Variants in PTPRB observed in about 807,000 individuals in gnomAD.
PTPRB encodes the protein protein tyrosine phosphatase receptor type B.
PTPRB carries 97 observed loss-of-function variants against 238.1 expected under a neutral mutation model. The observed-to-expected ratio is 0.41, with a 90% confidence interval of 0.35 to 0.48. PTPRB has a LOEUF of 0.48. PTPRB is among the 20% of genes least tolerant of loss of function. The pLI, the probability that PTPRB is intolerant of heterozygous loss-of-function variation, is 0.30. For synonymous variants in PTPRB, 970 were observed against 995.4 expected, an observed-to-expected ratio of 0.97 and a Z score of 0.48; for missense variants, 2,292 against 2,681.9, an observed-to-expected ratio of 0.85 and a Z score of 3.21.
chr12:70,540,102 G>T, intron 23 of PTPRB, 80 bp from the exon 24 acceptor site: 1 of 1,202,418 alleles, frequency 8.3e-7, no homozygotes, highest in Non-Finnish European at 1.2e-6. Flanking sequence ...GTAAGGCTGT[G>T]GATGTTTGTG....
At position 70,525,957 on chromosome 12, in the gene PTPRB, A is replaced by G. The variant is rs556725480; in HGVS notation, c.6505-1366T>C. Among the ~76,000 whole-genome samples the G allele has an allele frequency of 1.9e-4, 29 of 152,356 alleles. 1 individual carries two copies. The East Asian group carries it at 4.4e-3, about 23-fold the overall frequency. ...ATGTCAGACAGATAGATATTGAAAA[A>G]TATTTCCAGACCTTGTGTTTAAGGC... On this transcript the variant is annotated intron_variant, in intron 32 of 33. Coordinates refer to ENST00000334414, the MANE Select transcript of PTPRB (RefSeq NM_001109754.4).
chr12:70,583,635 T>G (rs1230889470), intron 9 of PTPRB, among the ~76,000 whole-genome samples: 1 of 152,136 alleles, frequency 6.6e-6, no homozygotes, highest in African/African-American at 2.4e-5. Context: ...TAATACTGGA[T>G]GGAGAAAACG....
At chr12:70,626,571 A>G (rs1180993703) in intron 2 of PTPRB, among the ~76,000 whole-genome samples, 1 of 152,116 alleles carries the variant, frequency 6.6e-6, no homozygotes, top group Non-Finnish European at 1.5e-5. Flanking sequence ...TTCGCTAAGC[A>G]ATACAACAAC....
rs776658123 is a variant in PTPRB at position 70,581,228 on chromosome 12, C to T, written c.2386G>A (p.Ala796Thr). The T allele has an allele frequency of 1.9e-6, 3 of 1,613,956 alleles. No individual in the cohort carries two copies. Among genetic ancestry groups the T allele is most frequent in the Non-Finnish European group, 2.5e-6 (3 of 1,179,880 alleles). ...TSSLFTNWTQ[A>T]QGDVEFYQVL... is the part of the protein sequence containing the mutation. ...TGGTAAAATTCTACGTCTCCTTGTG[C>T]CTGGGTCCAGTTAGTAAACAGACTA... is the stretch of plus-strand genomic sequence containing the variant. Residue 796 changes from alanine (A) to threonine (T), a missense_variant, in exon 10 of 34, where the codon GCA (alanine) becomes ACA (threonine). Physicochemically the swap from Ala to Thr is moderately conservative, Grantham distance 58 (BLOSUM62 0). Transcript: ENST00000334414.
At chr12:70,551,737 T>G (rs1214193981) in intron 21 of PTPRB, among the ~76,000 whole-genome samples, 1 of 152,178 alleles carries the variant, frequency 6.6e-6, no homozygotes. Flanking sequence ...TAATGTTGGA[T>G]GTCAGTAGCT....
chr12:70,612,911 C>CA (rs1393341701), intron 3 of PTPRB, among the ~76,000 whole-genome samples: 1 of 152,110 alleles, frequency 6.6e-6, no homozygotes, highest in Non-Finnish European at 1.5e-5. Flanking sequence ...TGCTTAACCC[C>CA]AGGACGCAGA....
rs797004494 is a variant in PTPRB, at chr12:70,609,659, C to T, written c.709-320G>A. 35 of 1,273,516 alleles carry T rather than the reference C, an allele frequency of 2.7e-5. No individual in the cohort carries two copies. The African/African-American group carries it at 3.6e-4, about 13-fold the overall frequency. 78.9% of individuals were successfully genotyped at this position (1,273,516 alleles called of 1,614,324 possible). A position where few individuals can be genotyped will look rare whatever the true frequency, so the allele number is the denominator to read the frequency against. ...GGCAGAAGAAGAAATTTTGCCACCT[C>T]CCTCTTCAAAGCACAACCCGATAGA... is the stretch of plus-strand genomic sequence containing the variant. On this transcript the variant is annotated intron_variant, in intron 3 of 33. Coordinates refer to ENST00000334414, the MANE Select transcript of PTPRB (RefSeq NM_001109754.4).
intron 3 of PTPRB, among the ~76,000 whole-genome samples, chr12:70,616,267 C>A (rs1179797537): frequency 6.6e-6 from 1 of 152,124 alleles, no homozygotes; most frequent in East Asian, 1.9e-4. Context: ...TAATGTGGAA[C>A]AATTCCTCAG....
chr12:70,607,548 C>CTTTT (rs546758555), intron 4 of PTPRB, among the ~76,000 whole-genome samples: 3 of 137,112 alleles, frequency 2.2e-5, no homozygotes, highest in Non-Finnish European at 1.6e-5. Flanking sequence ...TTTTCCTTTT[C>CTTTT]TTTTTTTTTT....
chr12:70,598,096 G>A (rs954862413), intron 4 of PTPRB, among the ~76,000 whole-genome samples: 2 of 152,176 alleles, frequency 1.3e-5, no homozygotes, highest in Non-Finnish European at 2.9e-5. Context: ...AAGGTTGCAT[G>A]GTTCACACCA....
At position 70,520,230 on chromosome 12, in the gene PTPRB, A is replaced by T; in HGVS notation, c.*1259T>A. The T allele has an allele frequency of 2.1e-6, 1 of 476,572 alleles. No individual in the cohort carries two copies. 29.5% of individuals were successfully genotyped at this position (476,572 alleles called of 1,614,324 possible). A position where few individuals can be genotyped will look rare whatever the true frequency, so the allele number is the denominator to read the frequency against. ...TGTCGGAACTGGACCTTGATGAAGG[A>T]AATACTTTCTGACTCATTGGAATTT... On this transcript the variant is annotated 3_prime_UTR_variant, in exon 34 of 34. Coordinates refer to ENST00000334414, the MANE Select transcript of PTPRB (RefSeq NM_001109754.4).
Position 70,534,839 on chromosome 12 carries a change from T to C in PTPRB, c.6198A>G (p.Ile2066Met), listed in dbSNP as rs1873849358. The C allele has an allele frequency of 6.2e-7, 1 of 1,613,758 alleles. No homozygotes were observed. Among genetic ancestry groups the C allele is most frequent in the African/African-American group, 1.3e-5 (1 of 74,888 alleles). The change falls in exon 30 of 34, where the codon ATA becomes ATG. Residue 2066 changes from isoleucine to methionine, a missense_variant. Around this residue, in one of 4 missense-constraint regions of PTPRB, gnomAD observed 397 missense variants for 502.0 expected, o/e 0.79. Coordinates refer to ENST00000334414, the MANE Select transcript of PTPRB (RefSeq NM_001109754.4). ...LPEWTIREFK[I>M]CGEEQLDAHR... ...GTCAAGCAAGCTAACATACACCGCA[T>C]ATCTTAAACTCCCGGATGGTCCACT... is the stretch of plus-strand genomic sequence containing the variant.
rs1334230803 is a variant in PTPRB at position 70,594,353 on chromosome 12, C to A, written c.1516+114G>T. 5 of 1,367,856 alleles carry A rather than the reference C, an allele frequency of 3.7e-6. No individual in the cohort carries two copies. In the South Asian group the frequency reaches 7.1e-5, roughly 19 times the overall value. 84.7% of individuals were successfully genotyped at this position (1,367,856 alleles called of 1,614,324 possible). A position where few individuals can be genotyped will look rare whatever the true frequency, so the allele number is the denominator to read the frequency against. ...AAAAGTGGATATGGGTCTTCTATAC[C>A]TTATAAGAATTTCAATTTGTCCTAT... On this transcript the variant is annotated intron_variant, in intron 6 of 33. Coordinates refer to ENST00000334414, the MANE Select transcript of PTPRB (RefSeq NM_001109754.4).
At position 70,622,546 on chromosome 12, in the gene PTPRB, A is replaced by T; in HGVS notation, c.552T>A (p.Leu184=). The change falls in exon 3 of 34, where the codon CTT becomes CTA. Residue 184 remains leucine, a synonymous_variant. Transcript: ENST00000334414. ...TGAAGGCCTCTGTGGTATTCCTAAT[A>T]AGGAATACCAGGCCATCTGGAACTG... is the stretch of plus-strand genomic sequence containing the variant. ...FNAVPDGLVF[L]IRNTTEAFIR... 6.2e-7 allele frequency: 1 copy of T among 1,608,900 alleles called. No individual in the cohort carries two copies. Among genetic ancestry groups the T allele is most frequent in the Non-Finnish European group, 8.5e-7 (1 of 1,177,216 alleles).
intron 32 of PTPRB, chr12:70,525,458 C>CT (rs1872288470): frequency 6.6e-6 from 1 of 152,228 alleles, no homozygotes; most frequent in African/African-American, 2.4e-5. Flanking sequence ...GTTCTCTCAG[C>CT]ATCTGGGTCT....
intron 11 of PTPRB, 134 bp downstream of exon 11, chr12:70,576,248 A>G: frequency 1.0e-6 from 1 of 973,682 alleles, no homozygotes; most frequent in Non-Finnish European, 1.5e-6. Flanking sequence ...GGGTTAAAAT[A>G]CGAAGACTTC....
intron 29 of PTPRB, among the ~76,000 whole-genome samples, chr12:70,535,586 T>C (rs1394090562): frequency 6.6e-6 from 1 of 152,214 alleles, no homozygotes; most frequent in East Asian, 1.9e-4. Context: ...AAGTAGAGGA[T>C]GGTAAGTGCA....
At chr12:70,590,940 G>GTT (rs35496972) in intron 7 of PTPRB, among the ~76,000 whole-genome samples, 1,569 of 102,806 alleles carry the variant, frequency 0.015, 78 homozygotes, top group African/African-American at 0.043. Flanking sequence ...TTTCCTCCAA[G>GTT]TTTTTTTTTT....
chr12:70,523,365 T>G (rs1254732257), intron 33 of PTPRB, among the ~76,000 whole-genome samples: 1 of 152,202 alleles, frequency 6.6e-6, no homozygotes. Flanking sequence ...CTGCCCAGGC[T>G]TGTCAAACTT....
Sources: gnomAD v4.1 joint callset for allele counts (sites outside exome capture counted in the v4.1 genomes callset) on GRCh38, gnomAD v4.1.1 for gene constraint, gnomAD v4.1.1 regional missense constraint, MANE v1.5 for transcripts, NCBI Gene and HGNC (gene_info 2026-07-23, HGNC 2026-07-21) for gene names.